Variants in KCNMA1 observed in about 807,000 individuals in gnomAD.
KCNMA1 encodes potassium calcium-activated channel subfamily M alpha 1.
In KCNMA1, 29 loss-of-function variants were observed where a neutral mutation model predicts 140.0. That is an observed-to-expected ratio of 0.21 (90% CI 0.15 to 0.28). KCNMA1 has a LOEUF of 0.28. Ranked by LOEUF, KCNMA1 falls within the 10% of genes least tolerant of loss-of-function variation. KCNMA1 has a pLI of 1.00. For missense variants in KCNMA1, 880 were observed against 1,602.2 expected (o/e 0.55, Z 7.70); for synonymous variants, 612 against 611.9 (o/e 1.00, Z 0.00).
chr10:77,607,259 C>A (rs2154567338), intron 1 of KCNMA1, among the ~76,000 whole-genome samples: 1 of 152,308 alleles, frequency 6.6e-6, no homozygotes, highest in Admixed American at 6.5e-5. Flanking sequence ...GGAGCCTGGC[C>A]AGTGCCAGCT....
intron 1 of KCNMA1, among the ~76,000 whole-genome samples, chr10:77,612,235 C>T (rs1159696229): frequency 6.6e-6 from 1 of 152,228 alleles, no homozygotes; most frequent in East Asian, 1.9e-4. Context: ...CATTCTAGGT[C>T]ATGGTCACGA....
Position 77,498,418 on chromosome 10 carries a change from G to A in KCNMA1, c.379-94395C>T, listed in dbSNP as rs867953755. 3.3e-5 allele frequency among the ~76,000 whole-genome samples: 5 copies of A among 152,362 alleles called. No homozygotes were observed. The South Asian group carries it at 1.0e-3, about 32-fold the overall frequency. ...CACAGCAGGTGGCAGCTCCAGGAAG[G>A]AGGACAAGTCCAAGCACAGTTTGTA... On this transcript the variant is annotated intron_variant, in intron 1 of 27. Coordinates refer to ENST00000286628, the MANE Select transcript of KCNMA1 (RefSeq NM_001161352.2).
At position 77,364,227 on chromosome 10, in the gene KCNMA1, G is replaced by A. The variant is rs564659155; in HGVS notation, c.540+39635C>T. On this transcript the variant is annotated intron_variant, in intron 2 of 27. Coordinates refer to ENST00000286628, the MANE Select transcript of KCNMA1 (RefSeq NM_001161352.2). ...GCACTTTGGGAGGTCAAGGTGGGCG[G>A]ACTACCTGAGATCAGGAGTTCAAGA... 2.4e-3 allele frequency among the ~76,000 whole-genome samples: 370 copies of A among 152,166 alleles called. 4 individuals are homozygous for A. The highest frequency in any genetic ancestry group is 0.021 in the South Asian group (103 of 4,810).
chr10:76,951,914 G>T, intron 21 of KCNMA1: 1 of 935,900 alleles, frequency 1.1e-6, no homozygotes, highest in Non-Finnish European at 1.6e-6. Context: ...CAAGCTCTGT[G>T]AGAGCAGTCG....
chr10:77,140,187 A>C (rs1339122962), intron 5 of KCNMA1: 1 of 152,562 alleles, frequency 6.6e-6, no homozygotes, highest in Non-Finnish European at 1.5e-5. Flanking sequence ...TCCACTAGAC[A>C]GTTCCCCAAA....
chr10:77,621,425 G>T (rs774722050), intron 1 of KCNMA1, among the ~76,000 whole-genome samples: 6 of 152,120 alleles, frequency 3.9e-5, no homozygotes, highest in African/African-American at 1.4e-4. Context: ...AGGTTGCACA[G>T]GCCCATGGTT....
At chr10:77,054,040 G>A (rs1406300822) in intron 14 of KCNMA1, among the ~76,000 whole-genome samples, 2 of 152,110 alleles carry the variant, frequency 1.3e-5, no homozygotes, top group Admixed American at 6.6e-5. Flanking sequence ...AGGGATAACA[G>A]GAAGGGTGAG....
intron 2 of KCNMA1, among the ~76,000 whole-genome samples, chr10:77,270,495 C>CTTTCT (rs1211481242): frequency 8.8e-5 from 13 of 147,144 alleles, no homozygotes; most frequent in Non-Finnish European, 1.2e-4. Context: ...TCTTTCCTTT[C>CTTTCT]TTTCTTTTCT....
At chr10:77,051,243 C>T (rs1594792912) in intron 14 of KCNMA1, among the ~76,000 whole-genome samples, 1 of 152,168 alleles carries the variant, frequency 6.6e-6, no homozygotes, top group Admixed American at 6.5e-5. Flanking sequence ...TATCGCCATA[C>T]AATATGGCCT....
intron 1 of KCNMA1, among the ~76,000 whole-genome samples, chr10:77,585,613 A>T (rs1652055998): frequency 1.3e-5 from 2 of 152,246 alleles, no homozygotes; most frequent in African/African-American, 2.4e-5. Flanking sequence ...CCTCTTCAAC[A>T]TTGTTTGTAT....
chr10:76,894,577 T>C (rs2041686131), intron 25 of KCNMA1, among the ~76,000 whole-genome samples: 1 of 152,188 alleles, frequency 6.6e-6, no homozygotes, highest in African/African-American at 2.4e-5. Context: ...TTGCAAATCA[T>C]ATGTCTGATA....
At chr10:77,477,468 T>A (rs1030487739) in intron 1 of KCNMA1, among the ~76,000 whole-genome samples, 4 of 152,206 alleles carry the variant, frequency 2.6e-5, no homozygotes, top group African/African-American at 9.7e-5. Flanking sequence ...CCTCTATGTC[T>A]AGGGATGACA....
At chr10:76,887,904 A>T (rs2037943395) in intron 27 of KCNMA1, 1 of 277,590 alleles carries the variant, frequency 3.6e-6, no homozygotes, top group Non-Finnish European at 7.0e-6. Flanking sequence ...GATATACATC[A>T]CAAGATCTTT....
At position 76,909,952 on chromosome 10, in the gene KCNMA1, A is replaced by G. The variant is rs764346358; in HGVS notation, c.3147+14T>C. 3.7e-6 allele frequency: 6 copies of G among 1,612,410 alleles called. No homozygotes were observed. In the Admixed American group the frequency reaches 1.0e-4, roughly 27 times the overall value. On this transcript the variant is annotated intron_variant, in intron 25 of 27. Coordinates refer to ENST00000286628, the MANE Select transcript of KCNMA1 (RefSeq NM_001161352.2). ...TCCACCCTTGAGTGAGGAGGAGGGA[A>G]CAGGATAACTCACCGCGCTCATGAG... is the stretch of plus-strand genomic sequence containing the variant.
At chr10:76,971,591 AG>A (rs2076101549) in intron 19 of KCNMA1, among the ~76,000 whole-genome samples, 1 of 152,262 alleles carries the variant, frequency 6.6e-6, no homozygotes, top group Non-Finnish European at 1.5e-5. Flanking sequence ...GAAGAGATGA[AG>A]GCAAGAAAGC....
intron 1 of KCNMA1, among the ~76,000 whole-genome samples, chr10:77,421,134 C>T (rs3844121): frequency 0.025 from 3,780 of 152,354 alleles, 151 homozygotes; most frequent in African/African-American, 0.085. Context: ...TAATCCACAG[C>T]AATACTGGAC....
At chr10:77,361,948 G>T (rs373313966) in intron 2 of KCNMA1, among the ~76,000 whole-genome samples, 76 of 152,334 alleles carry the variant, frequency 5.0e-4, no homozygotes, top group African/African-American at 1.8e-3. Flanking sequence ...TTCTGACCCA[G>T]CCCAGACAAA....
chr10:77,328,025 G>A (rs374051299), intron 2 of KCNMA1, among the ~76,000 whole-genome samples: 9 of 152,238 alleles, frequency 5.9e-5, no homozygotes, highest in East Asian at 3.9e-4. Context: ...TGCACACAAC[G>A]TGACCTCAAG....
At chr10:77,541,969 A>G (rs2060281020) in intron 1 of KCNMA1, among the ~76,000 whole-genome samples, 1 of 152,256 alleles carries the variant, frequency 6.6e-6, no homozygotes, top group African/African-American at 2.4e-5. Context: ...AGAAATGAGA[A>G]GATCCTCCAA....
Sources: allele counts gnomAD v4.1 joint callset (sites outside exome capture counted in the v4.1 genomes callset), GRCh38; gene constraint gnomAD v4.1.1; transcripts MANE v1.5; gene names NCBI Gene and HGNC (gene_info 2026-07-23, HGNC 2026-07-21).